The following NAALADL2 variants were observed in gnomAD, a reference collection of about 807,000 sequenced individuals.
NAALADL2 encodes N-acetylated alpha-linked acidic dipeptidase like 2, also known as inactive N-acetylated-alpha-linked acidic dipeptidase-like protein 2.
NAALADL2 carries 76 observed loss-of-function variants against 87.2 expected under a neutral mutation model. The observed-to-expected ratio is 0.87, with a 90% CI of 0.72 to 1.05. The LOEUF is 1.05. NAALADL2 is among the 50% of genes least tolerant of loss of function. The pLI, the probability that NAALADL2 is intolerant of heterozygous loss-of-function variation, is 0.00. For synonymous variants in NAALADL2, 354 were observed against 331.0 expected (o/e 1.07, Z -0.75); for missense variants, 1,089 against 945.8 (o/e 1.15, Z -1.99).
intron 1 of NAALADL2, among the ~76,000 whole-genome samples, chr3:174,542,508 C>T (rs960110744): frequency 1.3e-5 from 2 of 152,030 alleles, no homozygotes; most frequent in Non-Finnish European, 2.9e-5. Flanking sequence ...GAAACTTTAC[C>T]ATCTGGAAGA....
At chr3:174,955,757 A>C (rs1579710672) in intron 1 of NAALADL2, among the ~76,000 whole-genome samples, 1 of 152,238 alleles carries the variant, frequency 6.6e-6, no homozygotes, top group South Asian at 2.1e-4. Context: ...AGTGAAGATT[A>C]GAATCACCTG....
At chr3:174,861,201 C>A (rs974499251) in intron 1 of NAALADL2, among the ~76,000 whole-genome samples, 2 of 152,008 alleles carry the variant, frequency 1.3e-5, no homozygotes, top group Non-Finnish European at 2.9e-5. Context: ...TATTTCAGAT[C>A]TATCTTCTTG....
At chr3:174,573,109 G>A (rs1386705736) in intron 2 of NAALADL2, among the ~76,000 whole-genome samples, 1 of 152,088 alleles carries the variant, frequency 6.6e-6, no homozygotes, top group Non-Finnish European at 1.5e-5. Flanking sequence ...ATATCACATG[G>A]ACCTCTTAAA....
chr3:175,549,535 A>G (rs1259679514), intron 9 of NAALADL2, among the ~76,000 whole-genome samples: 1 of 151,914 alleles, frequency 6.6e-6, no homozygotes, highest in African/African-American at 2.4e-5. Context: ...TGGCTCCATG[A>G]TAAGAGATGA....
intron 2 of NAALADL2, among the ~76,000 whole-genome samples, chr3:175,203,821 C>T (rs181161133): frequency 2.6e-4 from 40 of 152,278 alleles, no homozygotes; most frequent in African/African-American, 7.2e-4. Context: ...AATAACTTCA[C>T]GCACATAAAT....
intron 9 of NAALADL2, among the ~76,000 whole-genome samples, chr3:175,482,728 T>G (rs1018506046): frequency 2.0e-5 from 3 of 151,880 alleles, no homozygotes; most frequent in Non-Finnish European, 4.4e-5. Flanking sequence ...AAAATAATAG[T>G]AAATTTAGGA....
chr3:175,415,562 A>G (rs182834126), intron 5 of NAALADL2, among the ~76,000 whole-genome samples: 17 of 152,272 alleles, frequency 1.1e-4, no homozygotes, highest in Admixed American at 5.2e-4. Context: ...GACTAAACAA[A>G]CATTAAATAA....
intron 1 of NAALADL2, among the ~76,000 whole-genome samples, chr3:174,902,048 G>A (rs905835576): frequency 3.9e-5 from 6 of 152,074 alleles, no homozygotes; most frequent in East Asian, 1.9e-4. Context: ...TGGGAATCTC[G>A]TTTAAATGCA....
chr3:175,121,136 G>T (rs1038944944), intron 2 of NAALADL2, among the ~76,000 whole-genome samples: 1 of 151,716 alleles, frequency 6.6e-6, no homozygotes, highest in Non-Finnish European at 1.5e-5. Context: ...CAAGTAATAA[G>T]GTTGAATCTG....
intron 3 of NAALADL2, among the ~76,000 whole-genome samples, chr3:174,740,309 T>C (rs1388081008): frequency 6.6e-6 from 1 of 151,946 alleles, no homozygotes; most frequent in Non-Finnish European, 1.5e-5. Context: ...TTTACCTTTC[T>C]TGTCTGTGCT....
chr3:174,490,967 T>C (rs1718154393), intron 1 of NAALADL2, among the ~76,000 whole-genome samples: 1 of 152,126 alleles, frequency 6.6e-6, no homozygotes, highest in East Asian at 1.9e-4. Context: ...TTTAAGAGTA[T>C]TTTATATGTG....
intron 3 of NAALADL2, among the ~76,000 whole-genome samples, chr3:175,244,334 G>A (rs376905539): frequency 9.2e-5 from 14 of 151,760 alleles, no homozygotes; most frequent in Non-Finnish European, 1.8e-4. Flanking sequence ...TATTTTATTC[G>A]TTCTCATGTT....
At position 174,592,245 on chromosome 3, in the gene NAALADL2, T is replaced by TTTTA. The variant is rs1560077462; in HGVS notation, c.-115+41611_-115+41612insATTT. ...ATTTATTTTTGAAACAATTTTTCTT[T>TTTTA]TTTTATTTTGTTATTATTATACTTT... is the stretch of plus-strand genomic sequence containing the variant. On this transcript the variant is annotated intron_variant, in intron 2 of 3. Coordinates refer to the NAALADL2 transcript ENST00000434257. Among the ~76,000 whole-genome samples the TTTTA allele has an allele frequency of 7.6e-4, 115 of 151,404 alleles. No homozygotes were observed. The Middle Eastern group carries it at 0.017, about 23-fold the overall frequency.
intron 9 of NAALADL2, among the ~76,000 whole-genome samples, chr3:175,561,108 G>A (rs11706760): frequency 0.64 from 97,120 of 152,070 alleles, 33,814 homozygotes; most frequent in East Asian, 0.84. Flanking sequence ...TTTATAGCAA[G>A]TTTGAAAATT....
rs1399014619 is a variant in NAALADL2 at position 175,477,149 on chromosome 3, C to T, written c.1653+5391C>T. Among the ~76,000 whole-genome samples the T allele has an allele frequency of 3.3e-5, 5 of 152,218 alleles. No individual in the cohort carries two copies. In the South Asian group the frequency reaches 8.3e-4, roughly 25 times the overall value. ...TCTTGAACACTTGCTGAGAAACAAA[C>T]AGCAGATAGGTTACCAAATCCAGAA... On this transcript the variant is annotated intron_variant, in intron 9 of 13. Coordinates refer to ENST00000454872, the MANE Select transcript of NAALADL2 (RefSeq NM_207015.3).
At position 175,722,243 on chromosome 3, in the gene NAALADL2, C is replaced by A. The variant is rs113922053; in HGVS notation, c.1897-15063C>A. On this transcript the variant is annotated intron_variant, in intron 11 of 13. Coordinates refer to ENST00000454872, the MANE Select transcript of NAALADL2 (RefSeq NM_207015.3). ...AGATTTATTTCATCAGTTGCTGCCCCATAAATTTATCTAAAATGTTTGACC... is the reference window on the plus strand; with the variant it reads ...AGATTTATTTCATCAGTTGCTGCCCAATAAATTTATCTAAAATGTTTGACC... Among the ~76,000 whole-genome samples the A allele has an allele frequency of 5.1e-3, 780 of 152,138 alleles. 4 individuals are homozygous for A. Among genetic ancestry groups the A allele is most frequent in the South Asian group, 0.021 (99 of 4,812 alleles).
At chr3:175,144,357 G>A (rs1010937704) in intron 2 of NAALADL2, among the ~76,000 whole-genome samples, 1 of 151,994 alleles carries the variant, frequency 6.6e-6, no homozygotes, top group African/African-American at 2.4e-5. Context: ...TCCATTTTAA[G>A]ATTGATTGGA....
intron 10 of NAALADL2, among the ~76,000 whole-genome samples, chr3:175,614,117 A>G (rs1476525013): frequency 1.3e-5 from 2 of 152,142 alleles, no homozygotes; most frequent in Non-Finnish European, 2.9e-5. Context: ...CAGTGGCACA[A>G]TCTCAGCTCA....
rs189660747 is a variant in NAALADL2, at chr3:175,048,673, A to G, written c.44-48117A>G. Among the ~76,000 whole-genome samples the G allele has an allele frequency of 5.1e-3, 781 of 152,310 alleles. 6 individuals carry two copies. Among genetic ancestry groups the G allele is most frequent in the African/African-American group, 0.018 (739 of 41,570 alleles). On this transcript the variant is annotated intron_variant, in intron 1 of 13. Transcript: ENST00000454872. ...TTTATGATCGGAATTGAGTTTTTCAATGAATATCTTAAAATATATTTACAG... is the reference window on the plus strand; with the variant it reads ...TTTATGATCGGAATTGAGTTTTTCAGTGAATATCTTAAAATATATTTACAG...
Sources: allele counts gnomAD v4.1 joint callset (sites outside exome capture counted in the v4.1 genomes callset), GRCh38; gene constraint gnomAD v4.1.1; transcripts MANE v1.5; gene names NCBI Gene and HGNC (gene_info 2026-07-23, HGNC 2026-07-21).